SLITRK3: variants seen among roughly 807,000 people sequenced by gnomAD.
The protein encoded by SLITRK3 is SLIT and NTRK-like protein 3.
SLITRK3 carries 16 observed loss-of-function variants against 63.6 expected under a neutral mutation model. The observed-to-expected ratio is 0.25, with a 90% CI of 0.17 to 0.38. The LOEUF (loss-of-function observed/expected upper bound fraction) is 0.38, where lower values mean the gene tolerates loss of function less well. SLITRK3 is among the 10% of genes least tolerant of loss of function. SLITRK3 has a pLI of 1.00. For synonymous variants in SLITRK3, 547 were observed against 451.6 expected, an observed-to-expected ratio of 1.21 and a Z score of -2.68; for missense variants, 1,117 against 1,181.4, an observed-to-expected ratio of 0.95 and a Z score of 0.80.
intron 1 of SLITRK3, among the ~76,000 whole-genome samples, chr3:165,191,892 A>G (rs549946892): frequency 1.3e-5 from 2 of 152,366 alleles, no homozygotes; most frequent in African/African-American, 2.4e-5. Context: ...CAAAAAAGAT[A>G]TCATTCTTTT....
At chr3:165,196,996 C>A (rs1167944725), upstream of SLITRK3, 2 of 152,076 alleles carry the variant, frequency 1.3e-5, no homozygotes, top group African/African-American at 2.4e-5. Context: ...CTCGCTTTCG[C>A]TGTCCGCCTT....
chr3:165,190,234 G>C lies in SLITRK3; in HGVS notation c.597C>G (p.Thr199=). 1.9e-6 allele frequency: 3 copies of C among 1,614,140 alleles called. No homozygotes were observed. In the South Asian group the frequency reaches 3.3e-5, roughly 18 times the overall value. ...PTNLFKAVSL[T]HLDLRGNRLK... ...ACCTATTTCCACGTAGGTCCAAATGGGTTAAAGAGACAGCCTTAAATAAAT... is the reference window on the plus strand; with the variant it reads ...ACCTATTTCCACGTAGGTCCAAATGCGTTAAAGAGACAGCCTTAAATAAAT... Residue 199 remains threonine (T), a synonymous_variant, in exon 2 of 2, where the codon ACC becomes ACG. Coordinates refer to ENST00000475390, the MANE Select transcript of SLITRK3 (RefSeq NM_001318810.2).
At chr3:165,196,897 G>GTGTCTCTCTCTCTCTCTCTCTC (rs1718450011), upstream of SLITRK3, 1 of 96,474 alleles carries the variant, frequency 1.0e-5, no homozygotes, top group Admixed American at 1.4e-4. Flanking sequence ...CTCTCTCTCT[G>GTGTCTCTCTCTCTCTCTCTCTC]TCTCTCTCTC....
chr3:165,192,663 T>G (rs1576971814), intron 1 of SLITRK3, among the ~76,000 whole-genome samples: 2 of 145,190 alleles, frequency 1.4e-5, no homozygotes, highest in South Asian at 2.2e-4. Flanking sequence ...CAAAAGGGGA[T>G]AAAGGGGGTT....
At position 165,187,639 on chromosome 3, in the gene SLITRK3, A is replaced by G; in HGVS notation, c.*258T>C. The G allele has an allele frequency of 2.8e-6, 1 of 361,334 alleles. No individual in the cohort carries two copies. The highest frequency in any genetic ancestry group is 5.0e-6 in the Non-Finnish European group (1 of 200,934). The allele number at this position is 361,334 out of a possible 1,614,324, so 22.4% of individuals were successfully genotyped here. A position where few individuals can be genotyped will look rare whatever the true frequency, so the allele number is the denominator to read the frequency against. On this transcript the variant is annotated 3_prime_UTR_variant, in exon 2 of 2. Coordinates refer to ENST00000475390, the MANE Select transcript of SLITRK3 (RefSeq NM_001318810.2). ...GTTTCAGTATAAAAAAATAATGATA[A>G]CATTTGCTGGCAAAAGTCTGCGAAG...
rs781138013 is a variant in SLITRK3, at chr3:165,190,007, A to G, written c.824T>C (p.Ile275Thr). Residue 275 changes from isoleucine to threonine, a missense_variant, in exon 2 of 2, where the codon ATC becomes ACC. Physicochemically the swap from Ile to Thr is moderately conservative, Grantham distance 89. Around this residue, in one of 4 missense-constraint regions of SLITRK3, gnomAD observed 452 missense variants for 495.3 expected, o/e 0.91. Transcript: ENST00000475390. ...CAAGGGACAGAGTTCTGTCTTCCTG[A>G]TTTCTCGTAGGTCCTTTCCATGGAA... is the stretch of plus-strand genomic sequence containing the variant. ...FHFHGKDLREIRKTELCPLLS... is the reference protein window; with the variant it reads ...FHFHGKDLRETRKTELCPLLS... 2.5e-6 allele frequency: 4 copies of G among 1,614,084 alleles called. No homozygotes were observed. The highest frequency in any genetic ancestry group is 3.4e-6 in the Non-Finnish European group (4 of 1,180,030).
chr3:165,187,898 T>C lies in SLITRK3; in HGVS notation c.2933A>G (p.Ter978=), dbSNP rs1718013877. 6.2e-7 allele frequency: 1 copy of C among 1,603,686 alleles called. No homozygotes were observed. The highest frequency in any genetic ancestry group is 1.8e-5 in the Admixed American group (1 of 56,702). Residue 978 remains the stop codon, a stop_retained_variant, in exon 2 of 2, where the codon TAA becomes TGA. Transcript: ENST00000475390. ...CACTAATATATTTTCTTCTCTCTGT[T>C]AGAACCTGTATGTTGTCTTCTCCAG... ...EVLEKTTYRF[*] is the part of the protein sequence containing the mutation.
chr3:165,194,655 T>A (rs1718355871), intron 1 of SLITRK3, among the ~76,000 whole-genome samples: 1 of 147,662 alleles, frequency 6.8e-6, no homozygotes, highest in African/African-American at 2.5e-5. Context: ...GGGTACCCAA[T>A]GTGCAGAGGC....
At chr3:165,193,108 TG>T (rs1718298479) in intron 1 of SLITRK3, among the ~76,000 whole-genome samples, 1 of 43,796 alleles carries the variant, frequency 2.3e-5, no homozygotes, top group Non-Finnish European at 8.1e-5. Flanking sequence ...GTTGAGTGAG[TG>T]TGTGTGTGTG....
rs530152284 is a variant in SLITRK3, at chr3:165,188,596, G to T, written c.2235C>A (p.His745Gln). The change falls in exon 2 of 2, where the codon CAC becomes CAA. Residue 745 changes from histidine (H) to glutamine (Q), a missense_variant. Physicochemically the swap from His to Gln is conservative, Grantham distance 24. Coordinates refer to ENST00000475390, the MANE Select transcript of SLITRK3 (RefSeq NM_001318810.2). ...PVGHVYEYIP[H>Q]PVTQMCNNPI... ...GGTTGTTGCACATTTGGGTAACCGG[G>T]TGGGGGATGTACTCATACACATGAC... is the stretch of plus-strand genomic sequence containing the variant. 9 of 1,613,980 alleles carry T rather than the reference G, an allele frequency of 5.6e-6. No individual in the cohort carries two copies. Among genetic ancestry groups the T allele is most frequent in the Non-Finnish European group, 7.6e-6 (9 of 1,180,008 alleles).
chr3:165,191,486 T>C (rs556766580), intron 1 of SLITRK3, among the ~76,000 whole-genome samples: 1 of 152,348 alleles, frequency 6.6e-6, no homozygotes, highest in South Asian at 2.1e-4. Context: ...TTACAGTGTA[T>C]AGTCAGTATG....
intron 1 of SLITRK3, among the ~76,000 whole-genome samples, chr3:165,193,258 A>AG (rs948982788): frequency 9.8e-6 from 1 of 101,664 alleles, no homozygotes; most frequent in Non-Finnish European, 2.0e-5. Flanking sequence ...GAGATGGGGG[A>AG]GGGGGGCAGG....
At position 165,188,710 on chromosome 3, in the gene SLITRK3, C is replaced by A. The variant is rs772399198; in HGVS notation, c.2121G>T (p.Arg707Ser). Residue 707 changes from arginine to serine, a missense_variant, in exon 2 of 2, where the codon AGG (arginine) becomes AGT (serine). Arg to Ser is a moderately radical substitution (Grantham distance 110, BLOSUM62 -1). This residue lies in a region of SLITRK3 where 499 missense variants were observed against 463.6 expected (regional missense o/e 1.08). Coordinates refer to ENST00000475390, the MANE Select transcript of SLITRK3 (RefSeq NM_001318810.2). ...CACCACCTCCACCATCCTCAAACAG[C>A]CTGTGGCATTGCATTTGGATGCCAG... is the stretch of plus-strand genomic sequence containing the variant. ...DLTGIQMQCHRLFEDGGGGGG... is the reference protein window; with the variant it reads ...DLTGIQMQCHSLFEDGGGGGG... The A allele has an allele frequency of 3.1e-6, 5 of 1,614,168 alleles. No homozygotes were observed. In the South Asian group the frequency reaches 4.4e-5, roughly 14 times the overall value.
chr3:165,189,664 A>T lies in SLITRK3; in HGVS notation c.1167T>A (p.Thr389=), dbSNP rs1261239835. 3 of 1,614,218 alleles carry T rather than the reference A, an allele frequency of 1.9e-6. No homozygotes were observed. The highest frequency in any genetic ancestry group is 1.3e-5 in the African/African-American group (1 of 75,052). Residue 389 remains threonine, a synonymous_variant, in exon 2 of 2, where the codon ACT becomes ACA. Transcript: ENST00000475390. This position sits in a 1 kb window ranked among gnomAD's most constrained non-coding sequence, Gnocchi z 4.0. ...TAAATCCTCGCTCTTTGCAGTTGAC[A>T]GTCAAGCCAAGGTCATTGATGTGCA... ...CNLHINDLGL[T]VNCKERGFNN... is the part of the protein sequence containing the mutation.
rs572471029 is a variant in SLITRK3 at position 165,193,586 on chromosome 3, T to C, written c.-22+1994A>G. ...GAGTTTCTCCTGCATTTTGCTTCGA[T>C]CCCGTTGCACCAGGAATTCTTTTGT... On this transcript the variant is annotated intron_variant, in intron 1 of 1. Coordinates refer to ENST00000475390, the MANE Select transcript of SLITRK3 (RefSeq NM_001318810.2). Among the ~76,000 whole-genome samples, 158 of 152,198 alleles carry C rather than the reference T, an allele frequency of 1.0e-3. 1 individual carries two copies. The highest frequency in any genetic ancestry group is 3.7e-3 in the African/African-American group (155 of 41,546).
chr3:165,187,790 T>C lies in SLITRK3; in HGVS notation c.*107A>G. On this transcript the variant is annotated 3_prime_UTR_variant, in exon 2 of 2. Transcript: ENST00000475390. ...GTTTTGTTCAGGGTAGGAAAGATCG[T>C]GAGGATGGAGTTACTGGGACAAGTG... 1 of 909,546 alleles carries C rather than the reference T, an allele frequency of 1.1e-6. No homozygotes were observed. Among genetic ancestry groups the C allele is most frequent in the South Asian group, 1.7e-5 (1 of 57,520 alleles). 56.3% of individuals were successfully genotyped at this position (909,546 alleles called of 1,614,324 possible).
chr3:165,188,258 G>A lies in SLITRK3; in HGVS notation c.2573C>T (p.Ala858Val), dbSNP rs749140155. The A allele has an allele frequency of 9.3e-6, 15 of 1,613,518 alleles. No homozygotes were observed. The highest frequency in any genetic ancestry group is 2.2e-5 in the South Asian group (2 of 91,044). Residue 858 changes from alanine (A) to valine (V), a missense_variant, in exon 2 of 2, where the codon GCA (alanine) becomes GTA (valine). Coordinates refer to ENST00000475390, the MANE Select transcript of SLITRK3 (RefSeq NM_001318810.2). ...ATTTTTCTCATGGTGGCGGAACCCT[G>A]CCAAGTCTCCCCCAGTTCCCCCAAC... ...GVVGGTGGDLAGFRHHEKNGG... is the reference protein window; with the variant it reads ...GVVGGTGGDLVGFRHHEKNGG...
Position 165,188,625 on chromosome 3 carries a change from C to T in SLITRK3, c.2206G>A (p.Val736Met), listed in dbSNP as rs989521402. 5 of 1,613,706 alleles carry T rather than the reference C, an allele frequency of 3.1e-6. No homozygotes were observed. The highest frequency in any genetic ancestry group is 2.7e-5 in the African/African-American group (2 of 74,866). ...TLSSPEKAPP[V>M]GHVYEYIPHP... ...GGGATGTACTCATACACATGACCCA[C>T]GGGAGGGGCCTTCTCTGGAGAGGAA... is the stretch of plus-strand genomic sequence containing the variant. Residue 736 changes from valine to methionine, a missense_variant, in exon 2 of 2, where the codon GTG (valine) becomes ATG (methionine). Coordinates refer to ENST00000475390, the MANE Select transcript of SLITRK3 (RefSeq NM_001318810.2).
chr3:165,191,308 A>G (rs753778844), intron 1 of SLITRK3, among the ~76,000 whole-genome samples: 2 of 152,220 alleles, frequency 1.3e-5, no homozygotes, highest in Non-Finnish European at 2.9e-5. Flanking sequence ...TCTTTGAGTT[A>G]TAGGTTTTGA....
Sources: gnomAD v4.1 joint callset for allele counts (sites outside exome capture counted in the v4.1 genomes callset) on GRCh38, gnomAD v4.1.1 for gene constraint, gnomAD v4.1.1 regional missense constraint, Gnocchi (gnomAD v3.1) non-coding constraint, MANE v1.5 for transcripts, NCBI Gene and HGNC (gene_info 2026-07-23, HGNC 2026-07-21) for gene names.